The following TSPAN12 variants were observed in gnomAD, a reference collection of about 807,000 sequenced individuals.
TSPAN12 encodes tetraspanin-12.
Under a neutral mutation model 39.2 loss-of-function variants are expected in TSPAN12, and 19 were observed. That is an observed-to-expected ratio of 0.49 (90% CI 0.34 to 0.71). The LOEUF (loss-of-function observed/expected upper bound fraction) is 0.71. TSPAN12 is among the 30% of genes least tolerant of loss of function. The pLI is 0.01. For synonymous variants in TSPAN12, 119 were observed against 124.8 expected, an observed-to-expected ratio of 0.95 and a Z score of 0.31; for missense variants, 314 against 359.9, an observed-to-expected ratio of 0.87 and a Z score of 1.03.
chr7:120,816,604 GA>G (rs1294307636), intron 4 of TSPAN12, among the ~76,000 whole-genome samples: 2 of 152,124 alleles, frequency 1.3e-5, no homozygotes, highest in Non-Finnish European at 2.9e-5. Flanking sequence ...GGGGTGGTCA[GA>G]AAGAGGAATG....
At chr7:120,805,409 T>C (rs1053717495) in intron 7 of TSPAN12, among the ~76,000 whole-genome samples, 3 of 152,128 alleles carry the variant, frequency 2.0e-5, no homozygotes. Context: ...ATAAAAAGCA[T>C]AACCTCCTAA....
chr7:120,804,781 C>G (rs1463183507), intron 7 of TSPAN12, among the ~76,000 whole-genome samples: 1 of 152,062 alleles, frequency 6.6e-6, no homozygotes, highest in Non-Finnish European at 1.5e-5. Context: ...GGACAGTGGG[C>G]CCCTTGTCCA....
chr7:120,806,472 T>C lies in TSPAN12; in HGVS notation c.612+77A>G, dbSNP rs934653707. On this transcript the variant is annotated intron_variant, in intron 7 of 7. Transcript: ENST00000222747. ...ATTTAGACAGAGAAGGAAAATTTCA[T>C]TGGCATATTGTTGATTCTTTAAAGT... 2.4e-5 allele frequency: 37 copies of C among 1,539,244 alleles called. 2 individuals carry two copies. The highest frequency in any genetic ancestry group is 5.7e-5 in the South Asian group (5 of 88,142).
intron 4 of TSPAN12, among the ~76,000 whole-genome samples, chr7:120,831,037 A>G (rs1467033852): frequency 6.6e-6 from 1 of 152,056 alleles, no homozygotes; most frequent in Non-Finnish European, 1.5e-5. Flanking sequence ...GAAGACAAAG[A>G]GATGAAAAAA....
At chr7:120,843,172 C>T (rs768673877) in intron 2 of TSPAN12, among the ~76,000 whole-genome samples, 4 of 152,154 alleles carry the variant, frequency 2.6e-5, no homozygotes, top group Non-Finnish European at 5.9e-5. Context: ...ATTCTCATGT[C>T]TGTTAGAAGT....
At chr7:120,790,491 G>T (rs945682631) in intron 7 of TSPAN12, among the ~76,000 whole-genome samples, 15 of 152,104 alleles carry the variant, frequency 9.9e-5, no homozygotes, top group East Asian at 9.6e-4. Context: ...TCACAGATTA[G>T]AAAGTAGAAA....
In TSPAN12 at chr7:120,838,824, A is replaced by T. The variant is rs781374190; in HGVS notation, c.238T>A (p.Leu80Ile). 6.2e-7 allele frequency: 1 copy of T among 1,614,040 alleles called. No individual in the cohort carries two copies. The highest frequency in any genetic ancestry group is 2.2e-5 in the East Asian group (1 of 44,854). Residue 80 changes from leucine (L) to isoleucine (I), a missense_variant, in exon 4 of 8, where the codon TTA (leucine) becomes ATA (isoleucine). Coordinates refer to ENST00000222747, the MANE Select transcript of TSPAN12 (RefSeq NM_012338.4). The stretch of plus-strand genomic sequence containing the variant: ...CTTTTCACCGTTCCACAATATCCTA[A>T]CATCCCCACAATGATAAGGAAACAG... ...VCCFLIIVGM[L>I]GYCGTVKRNL...
chr7:120,853,083 CCAG>C (rs1318120132), intron 2 of TSPAN12, among the ~76,000 whole-genome samples: 4 of 144,878 alleles, frequency 2.8e-5, no homozygotes, highest in South Asian at 2.1e-4. Flanking sequence ...AACAAAAATC[CCAG>C]CAGATTTTTT....
At chr7:120,814,799 AATG>A (rs1456827504) in intron 5 of TSPAN12, among the ~76,000 whole-genome samples, 2 of 152,208 alleles carry the variant, frequency 1.3e-5, no homozygotes, top group African/African-American at 4.8e-5. Flanking sequence ...AAGATAAAAA[AATG>A]ATGAATAGCT....
intron 7 of TSPAN12, among the ~76,000 whole-genome samples, chr7:120,801,666 C>A (rs1047175825): frequency 6.6e-6 from 1 of 152,142 alleles, no homozygotes; most frequent in African/African-American, 2.4e-5. Context: ...TTGAGTCAGT[C>A]CATTTGAAGC....
intron 4 of TSPAN12, among the ~76,000 whole-genome samples, chr7:120,836,508 C>T (rs1562950150): frequency 6.6e-6 from 1 of 152,164 alleles, no homozygotes; most frequent in Non-Finnish European, 1.5e-5. Flanking sequence ...AAAGCAAAAT[C>T]AATCTATGCT....
intron 2 of TSPAN12, among the ~76,000 whole-genome samples, 194 bp from the exon 3 acceptor site, chr7:120,840,303 C>T (rs1455925683): frequency 6.6e-6 from 1 of 152,110 alleles, no homozygotes; most frequent in African/African-American, 2.4e-5. Context: ...AAATGGAATA[C>T]CACCCAAATG....
At chr7:120,794,161 C>A (rs1419197574) in intron 7 of TSPAN12, among the ~76,000 whole-genome samples, 1 of 152,110 alleles carries the variant, frequency 6.6e-6, no homozygotes, top group Non-Finnish European at 1.5e-5. Context: ...TGCCCTATAT[C>A]CTTTAATAAA....
At chr7:120,852,926 A>G (rs548792605) in intron 2 of TSPAN12, among the ~76,000 whole-genome samples, 3 of 152,320 alleles carry the variant, frequency 2.0e-5, no homozygotes, top group Non-Finnish European at 4.4e-5. Flanking sequence ...GATGAGAGTA[A>G]TGTTAACAAT....
intron 2 of TSPAN12, among the ~76,000 whole-genome samples, chr7:120,840,571 GTAA>G (rs1310990680): frequency 6.6e-6 from 1 of 152,168 alleles, no homozygotes; most frequent in Admixed American, 6.5e-5. Flanking sequence ...GATAGTAATA[GTAA>G]TAACATTAAA....
At chr7:120,833,189 T>C in intron 4 of TSPAN12, among the ~76,000 whole-genome samples, 1 of 152,060 alleles carries the variant, frequency 6.6e-6, no homozygotes, top group East Asian at 1.9e-4. Context: ...TGAATCTTCA[T>C]TTAGAAATAA....
intron 7 of TSPAN12, among the ~76,000 whole-genome samples, chr7:120,799,949 A>C (rs555326791): frequency 6.8e-4 from 100 of 147,794 alleles, no homozygotes; most frequent in African/African-American, 2.2e-3. Flanking sequence ...GTTGTATATG[A>C]AAATTACAAA....
At chr7:120,840,947 T>C (rs1338546341) in intron 2 of TSPAN12, among the ~76,000 whole-genome samples, 2 of 152,216 alleles carry the variant, frequency 1.3e-5, no homozygotes, top group Non-Finnish European at 1.5e-5. Flanking sequence ...GTCTGTACAT[T>C]TGAATCATTT....
intron 7 of TSPAN12, among the ~76,000 whole-genome samples, chr7:120,806,028 G>T (rs927993163): frequency 1.3e-4 from 20 of 152,054 alleles, no homozygotes; most frequent in Admixed American, 1.2e-3. Context: ...TGACTTTACC[G>T]CCACTGAGCA....
Sources: allele counts gnomAD v4.1 joint callset (sites outside exome capture counted in the v4.1 genomes callset), GRCh38; gene constraint gnomAD v4.1.1; transcripts MANE v1.5; gene names NCBI Gene and HGNC (gene_info 2026-07-23, HGNC 2026-07-21).